The following CLDN14 variants were observed in gnomAD, a reference collection of about 807,000 sequenced individuals.
CLDN14 encodes claudin 14.
A neutral mutation model predicts 2.1 loss-of-function variants in CLDN14; 2 were observed. That is an observed-to-expected ratio of 0.96 (90% CI 0.39 to 3.01). The LOEUF (loss-of-function observed/expected upper bound fraction) is 3.01, where lower values mean the gene tolerates loss of function less well. Ranked by LOEUF, CLDN14 falls within the 30% of genes most tolerant of loss-of-function variation. The pLI is 0.09. For missense variants in CLDN14, 298 were observed against 328.0 expected, an observed-to-expected ratio of 0.91 and a Z score of 0.71; for synonymous variants, 136 against 154.4, an observed-to-expected ratio of 0.88 and a Z score of 0.88.
intron 1 of CLDN14, among the ~76,000 whole-genome samples, chr21:36,571,908 C>T (rs781199154): frequency 6.6e-6 from 1 of 152,126 alleles, no homozygotes; most frequent in Non-Finnish European, 1.5e-5. Flanking sequence ...TAAATTATCA[C>T]TAAAAGCATG....
At chr21:36,554,572 C>T (rs964908177) in intron 1 of CLDN14, among the ~76,000 whole-genome samples, 10 of 152,082 alleles carry the variant, frequency 6.6e-5, no homozygotes, top group East Asian at 5.8e-4. Flanking sequence ...TAATTACTGC[C>T]GTTTTACATA....
At chr21:36,476,500 C>T (rs1254411002) in intron 1 of CLDN14, among the ~76,000 whole-genome samples, 6 of 151,892 alleles carry the variant, frequency 4.0e-5, no homozygotes, top group Non-Finnish European at 5.9e-5. Context: ...TCACCCAGGC[C>T]GGAGCGCGGT....
intron 1 of CLDN14, among the ~76,000 whole-genome samples, chr21:36,565,701 G>A (rs1262655860): frequency 6.6e-6 from 1 of 152,172 alleles, no homozygotes; most frequent in Non-Finnish European, 1.5e-5. Context: ...CCTTCAGAAA[G>A]CCCAGTACCC....
intron 1 of CLDN14, among the ~76,000 whole-genome samples, chr21:36,564,098 G>A (rs1218921153): frequency 6.6e-6 from 1 of 152,236 alleles, no homozygotes; most frequent in Non-Finnish European, 1.5e-5. Flanking sequence ...TGAGGCAGGT[G>A]GCAAATGTGG....
intron 1 of CLDN14, among the ~76,000 whole-genome samples, chr21:36,479,147 C>T (rs1018486415): frequency 5.3e-5 from 8 of 152,200 alleles, no homozygotes; most frequent in African/African-American, 1.7e-4. Flanking sequence ...GCTCCCCGAG[C>T]TGAGCTGTGG....
chr21:36,527,995 G>C (rs962638598), intron 1 of CLDN14, among the ~76,000 whole-genome samples: 3 of 152,044 alleles, frequency 2.0e-5, no homozygotes, highest in Non-Finnish European at 4.4e-5. Flanking sequence ...TTTATCTCCT[G>C]AACAGACTCA....
chr21:36,514,622 AGTGTGTGTGTGTGT>A (rs34558148), intron 1 of CLDN14, among the ~76,000 whole-genome samples: 3 of 33,658 alleles, frequency 8.9e-5, no homozygotes, highest in South Asian at 1.7e-3. Flanking sequence ...CGTGAGAGAA[AGTGTGTGTGTGTGT>A]GTGTGTGTGT....
intron 2 of CLDN14, among the ~76,000 whole-genome samples, chr21:36,500,711 C>T (rs891133063): frequency 3.3e-5 from 5 of 152,230 alleles, no homozygotes; most frequent in Non-Finnish European, 5.9e-5. Flanking sequence ...GGATTATAGG[C>T]GCACGTCACC....
At position 36,461,401 on chromosome 21, in the gene CLDN14, C is replaced by T. The variant is rs371106978; in HGVS notation, c.295G>A (p.Val99Ile). 205 of 1,613,056 alleles carry T rather than the reference C, an allele frequency of 1.3e-4. 1 individual carries two copies. The highest frequency in any genetic ancestry group is 1.6e-4 in the Middle Eastern group (1 of 6,080). ...CAGCGCGTGCACTTCATCCCGATGA[C>T]GGCGCAGGCGCAGGCTATGCCCGAG... ...LLSGIACACA[V>I]IGMKCTRCAK... Residue 99 changes from valine to isoleucine, a missense_variant, in exon 2 of 2, where the codon GTC becomes ATC. Coordinates refer to ENST00000399135, the MANE Select transcript of CLDN14 (RefSeq NM_001146079.2).
intron 1 of CLDN14, among the ~76,000 whole-genome samples, chr21:36,527,346 C>T (rs1031101389): frequency 2.0e-5 from 3 of 152,204 alleles, no homozygotes; most frequent in Non-Finnish European, 4.4e-5. Flanking sequence ...CTTAGCTTAG[C>T]GCTACCCTCC....
At chr21:36,565,021 C>G (rs1262227003) in intron 1 of CLDN14, among the ~76,000 whole-genome samples, 1 of 152,208 alleles carries the variant, frequency 6.6e-6, no homozygotes. Context: ...CATTTCTGAC[C>G]TCTAGAACTG....
chr21:36,539,428 G>T (rs1446775148), intron 1 of CLDN14, among the ~76,000 whole-genome samples: 1 of 149,494 alleles, frequency 6.7e-6, no homozygotes, highest in Non-Finnish European at 1.5e-5. Context: ...TGTGGAGTGT[G>T]TGTGTGGAAT....
At chr21:36,503,451 C>G (rs561864363) in intron 2 of CLDN14, among the ~76,000 whole-genome samples, 1 of 152,194 alleles carries the variant, frequency 6.6e-6, no homozygotes. Context: ...GGGGCCAGAT[C>G]TTTCTCACGT....
intron 1 of CLDN14, among the ~76,000 whole-genome samples, chr21:36,531,218 C>A (rs952057751): frequency 6.6e-6 from 1 of 151,698 alleles, no homozygotes; most frequent in Non-Finnish European, 1.5e-5. Context: ...AAGAGTGAGA[C>A]CCTGTCTTGA....
chr21:36,534,188 G>A (rs1462365442), intron 1 of CLDN14, among the ~76,000 whole-genome samples: 3 of 151,920 alleles, frequency 2.0e-5, no homozygotes, highest in African/African-American at 7.3e-5. Context: ...TGCAAACTCC[G>A]CCTCCCGGGT....
intron 1 of CLDN14, among the ~76,000 whole-genome samples, chr21:36,523,262 G>C (rs1018382845): frequency 6.6e-6 from 1 of 152,188 alleles, no homozygotes; most frequent in African/African-American, 2.4e-5. Flanking sequence ...AGAAAGGACT[G>C]ATCCATCTCC....
chr21:36,532,016 G>C (rs1464279821), intron 1 of CLDN14: 2 of 152,128 alleles, frequency 1.3e-5, no homozygotes, highest in Non-Finnish European at 2.9e-5. Context: ...AGTCACAGTG[G>C]CCTTGAAGTT....
chr21:36,524,258 C>T (rs1335780448), intron 1 of CLDN14, among the ~76,000 whole-genome samples: 5 of 152,226 alleles, frequency 3.3e-5, no homozygotes, highest in African/African-American at 1.2e-4. Flanking sequence ...TAGCTGGGGT[C>T]ACACGTGTGT....
At chr21:36,486,858 G>T (rs1369879543) in intron 2 of CLDN14, 59 of 716,432 alleles carry the variant, frequency 8.2e-5, no homozygotes, top group Non-Finnish European at 1.3e-4. Flanking sequence ...TCTTGCCCTT[G>T]GGTTGGACGG....
Sources: allele counts gnomAD v4.1 joint callset (sites outside exome capture counted in the v4.1 genomes callset), GRCh38; gene constraint gnomAD v4.1.1; transcripts MANE v1.5; gene names NCBI Gene and HGNC (gene_info 2026-07-23, HGNC 2026-07-21).